TDRD9: variants seen among roughly 807,000 people sequenced by gnomAD.
TDRD9 encodes the protein ATP-dependent RNA helicase TDRD9.
In TDRD9, 124 loss-of-function variants were observed where a neutral mutation model predicts 172.6. That is an observed-to-expected ratio of 0.72 (90% confidence interval 0.62 to 0.83). The LOEUF (loss-of-function observed/expected upper bound fraction) is 0.83, where lower values mean the gene tolerates loss of function less well. Ranked by LOEUF, TDRD9 falls within the 40% of genes least tolerant of loss-of-function variation. The pLI is 0.00. For synonymous variants in TDRD9, 619 were observed against 617.1 expected, an observed-to-expected ratio of 1.00 and a Z score of -0.05; for missense variants, 1,479 against 1,714.1, an observed-to-expected ratio of 0.86 and a Z score of 2.42.
chr14:104,046,795 G>A (rs1452188687), intron 34 of TDRD9, among the ~76,000 whole-genome samples: 7 of 151,810 alleles, frequency 4.6e-5, no homozygotes, highest in South Asian at 2.1e-4. Flanking sequence ...ACAGGTGCCC[G>A]CCACCACACC....
intron 1 of TDRD9, among the ~76,000 whole-genome samples, chr14:103,947,293 TTTTGTTTG>T (rs774309463): frequency 1.3e-5 from 2 of 152,024 alleles, no homozygotes; most frequent in African/African-American, 2.4e-5. Flanking sequence ...AGTTTGTTTT[TTTTGTTTG>T]TTTGTTTGTT....
At chr14:103,985,552 C>G (rs1275622814) in intron 7 of TDRD9, among the ~76,000 whole-genome samples, 2 of 152,116 alleles carry the variant, frequency 1.3e-5, no homozygotes, top group African/African-American at 4.8e-5. Flanking sequence ...CACAGCCTGA[C>G]TTGGGGAGTT....
At chr14:103,972,424 C>T (rs984364716) in intron 6 of TDRD9, among the ~76,000 whole-genome samples, 5 of 152,108 alleles carry the variant, frequency 3.3e-5, no homozygotes, top group African/African-American at 7.2e-5. Flanking sequence ...ATTTGAGAGA[C>T]GTAAGTAGAG....
chr14:103,970,764 T>C (rs2032986771), intron 6 of TDRD9, 143 bp downstream of exon 6: 1 of 648,816 alleles, frequency 1.5e-6, no homozygotes. Context: ...TCAAGTGCCT[T>C]ATATGAAATG....
intron 8 of TDRD9, among the ~76,000 whole-genome samples, chr14:103,989,301 T>A (rs1421260972): frequency 2.0e-5 from 3 of 152,244 alleles, no homozygotes; most frequent in African/African-American, 7.2e-5. Context: ...TGTCTTTGAA[T>A]TTCATTATGG....
chr14:104,040,670 C>T (rs1445826170), intron 33 of TDRD9, among the ~76,000 whole-genome samples: 1 of 152,246 alleles, frequency 6.6e-6, no homozygotes, highest in Admixed American at 6.5e-5. Flanking sequence ...GGAAGTGGAA[C>T]ATCCTTGCTA....
chr14:104,000,329 CAAAAAAAA>C (rs60498436), intron 13 of TDRD9, among the ~76,000 whole-genome samples: 1 of 127,962 alleles, frequency 7.8e-6, no homozygotes, highest in Non-Finnish European at 1.6e-5. Context: ...AGCCCCGTCT[CAAAAAAAA>C]AAAAAAAAAA....
At chr14:103,982,660 C>G (rs955232922) in intron 7 of TDRD9, among the ~76,000 whole-genome samples, 2 of 152,122 alleles carry the variant, frequency 1.3e-5, no homozygotes, top group African/African-American at 4.8e-5. Context: ...AATCCCAGCA[C>G]TTTGGGAGGC....
At chr14:103,948,700 C>T (rs941812017) in intron 1 of TDRD9, among the ~76,000 whole-genome samples, 24 of 152,122 alleles carry the variant, frequency 1.6e-4, no homozygotes, top group African/African-American at 5.8e-4. Context: ...CTAAATAAGC[C>T]AGTCACAAAA....
Position 103,928,700 on chromosome 14 carries a change from C to T in TDRD9, c.191C>T (p.Ala64Val), listed in dbSNP as rs1157409670. ...GCTCCGGCTCTGGCCCAAGCTCCGG[C>T]CCGGCCGGCCGCTGCGTTCGAAAGG... ...AQAPALAQAP[A>V]RPAAAFERSL... The change falls in exon 1 of 36, where the codon GCC becomes GTC. Residue 64 changes from alanine (A) to valine (V), a missense_variant. By Grantham distance (64) the Ala-to-Val change is moderately conservative. Around this residue, in one of 3 missense-constraint regions of TDRD9, gnomAD observed 1,413 missense variants for 1,649.1 expected, o/e 0.86. Coordinates refer to ENST00000409874, the MANE Select transcript of TDRD9 (RefSeq NM_153046.3). 5.0e-6 allele frequency: 6 copies of T among 1,188,540 alleles called. No individual in the cohort carries two copies. The highest frequency in any genetic ancestry group is 6.3e-6 in the Non-Finnish European group (6 of 951,706). The allele number at this position is 1,188,540 out of a possible 1,614,324, so 73.6% of individuals were successfully genotyped here.
intron 28 of TDRD9, among the ~76,000 whole-genome samples, 157 bp from the exon 29 acceptor site, chr14:104,030,951 A>G (rs1424032985): frequency 6.6e-6 from 1 of 152,266 alleles, no homozygotes; most frequent in Non-Finnish European, 1.5e-5. Flanking sequence ...CACATTGTGC[A>G]CATGTACCCT....
intron 8 of TDRD9, among the ~76,000 whole-genome samples, chr14:103,987,737 A>G (rs1244477427): frequency 6.6e-6 from 1 of 152,066 alleles, no homozygotes; most frequent in African/African-American, 2.4e-5. Context: ...TTTTAGATGG[A>G]GTGTTCTATA....
At chr14:103,995,926 A>T in intron 12 of TDRD9, 119 bp downstream of exon 12, 1 of 895,932 alleles carries the variant, frequency 1.1e-6, no homozygotes, top group Non-Finnish European at 1.6e-6. Context: ...TTTGGAACAC[A>T]GAATTGAGAA....
intron 35 of TDRD9, among the ~76,000 whole-genome samples, chr14:104,050,706 G>A (rs969022095): frequency 2.0e-5 from 3 of 152,184 alleles, no homozygotes; most frequent in African/African-American, 7.2e-5. Context: ...CTGGCAGCCG[G>A]CCCCATTGTG....
chr14:103,932,536 CGCCACCACAGCCG>C (rs1374509098), intron 1 of TDRD9, among the ~76,000 whole-genome samples: 2 of 152,078 alleles, frequency 1.3e-5, no homozygotes, highest in African/African-American at 4.8e-5. Context: ...TACAGGCGCC[CGCCACCACAGCCG>C]GCTAATTTTT....
intron 5 of TDRD9, among the ~76,000 whole-genome samples, chr14:103,969,971 G>C (rs931985609): frequency 3.3e-5 from 5 of 152,120 alleles, no homozygotes; most frequent in African/African-American, 1.2e-4. Flanking sequence ...CCTTGCTCTG[G>C]TTTACCTGTT....
chr14:103,989,429 A>G (rs914265947), intron 8 of TDRD9, among the ~76,000 whole-genome samples: 3 of 152,222 alleles, frequency 2.0e-5, no homozygotes, highest in South Asian at 2.1e-4. Context: ...TCATGAGTCC[A>G]TTGACTACTA....
At chr14:104,000,160 C>T (rs2034212160) in intron 13 of TDRD9, among the ~76,000 whole-genome samples, 3 of 151,842 alleles carry the variant, frequency 2.0e-5, no homozygotes, top group Admixed American at 6.6e-5. Context: ...AACTCTGTCT[C>T]TACCAAAAAC....
Position 104,026,987 on chromosome 14 carries a change from C to T in TDRD9, c.3282+48C>T, listed in dbSNP as rs541330797. ...GAGCACGCGTTTGTGTGAGAGAGAA[C>T]GGGGCAGGCTTTCCTTCCTCTGTGG... On this transcript the variant is annotated intron_variant, in intron 28 of 35. Transcript: ENST00000409874. 2.8e-5 allele frequency: 44 copies of T among 1,588,588 alleles called. No homozygotes were observed. The East Asian group carries it at 5.0e-4, about 18-fold the overall frequency.
Sources: allele counts gnomAD v4.1 joint callset (sites outside exome capture counted in the v4.1 genomes callset), GRCh38; gene constraint gnomAD v4.1.1; regional missense constraint gnomAD v4.1.1; transcripts MANE v1.5; gene names NCBI Gene and HGNC (gene_info 2026-07-23, HGNC 2026-07-21).